Variants in RPS23 observed in about 807,000 individuals in gnomAD.
RPS23 encodes the protein ribosomal protein S23.
For synonymous variants in RPS23, 66 were observed against 60.4 expected, an observed-to-expected ratio of 1.09 and a Z score of -0.43; for missense variants, 73 against 174.5, an observed-to-expected ratio of 0.42 and a Z score of 3.28.
chr5:82,278,352 G>C lies in RPS23; in HGVS notation c.-29C>G, dbSNP rs766487481. The C allele has an allele frequency of 5.6e-6, 9 of 1,606,552 alleles. No homozygotes were observed. The highest frequency in any genetic ancestry group is 1.3e-5 in the African/African-American group (1 of 74,608). On this transcript the variant is annotated 5_prime_UTR_variant, in exon 1 of 4. Transcript: ENST00000296674. ...GTCGGCGCCACGGGCCTGAGCGAAA[G>C]AGAGAAGCACCGCAGGAAGGAGCCA...
chr5:82,277,983 G>T, intron 1 of RPS23, 131 bp from the exon 2 acceptor site: 1 of 860,862 alleles, frequency 1.2e-6, no homozygotes, highest in Non-Finnish European at 1.8e-6. Context: ...TGGCCTGTGG[G>T]CCAAACATTT....
At chr5:82,276,769 A>G in intron 2 of RPS23, 1 of 495,638 alleles carries the variant, frequency 2.0e-6, no homozygotes, top group Non-Finnish European at 3.6e-6. Context: ...AGTCCCAACT[A>G]CTTGCGAGGC....
chr5:82,276,324 C>T, intron 3 of RPS23, 69 bp from the exon 4 acceptor site: 1 of 1,612,428 alleles, frequency 6.2e-7, no homozygotes, highest in Non-Finnish European at 8.5e-7. Context: ...TGTGAGGAAA[C>T]TCCCTTGCAT....
In RPS23 at chr5:82,274,871, C is replaced by T. The variant is rs1002425970; in HGVS notation, c.*1238G>A. On this transcript the variant is annotated 3_prime_UTR_variant, in exon 4 of 4. Coordinates refer to ENST00000296674, the MANE Select transcript of RPS23 (RefSeq NM_001025.5). ...CTAGCATCATCATCAAGAGATAAACCGAAGTGTGCTGGAAAACACACGAGC... is the reference window on the plus strand; with the variant it reads ...CTAGCATCATCATCAAGAGATAAACTGAAGTGTGCTGGAAAACACACGAGC... 9 of 246,452 alleles carry T rather than the reference C, an allele frequency of 3.7e-5. No individual in the cohort carries two copies. In the South Asian group the frequency reaches 5.1e-4, roughly 14 times the overall value. 15.3% of individuals were successfully genotyped at this position (246,452 alleles called of 1,614,324 possible). A position where few individuals can be genotyped will look rare whatever the true frequency, so the allele number is the denominator to read the frequency against.
At position 82,273,540 on chromosome 5, in the gene RPS23, A is replaced by G. The variant is rs1171009445; in HGVS notation, c.*2569T>C. 1 of 148,984 alleles carries G rather than the reference A, an allele frequency of 6.7e-6. No homozygotes were observed. The highest frequency in any genetic ancestry group is 2.6e-5 in the African/African-American group (1 of 38,512). 9.2% of individuals were successfully genotyped at this position (148,984 alleles called of 1,614,324 possible). On this transcript the variant is annotated 3_prime_UTR_variant, in exon 4 of 4. Coordinates refer to ENST00000296674, the MANE Select transcript of RPS23 (RefSeq NM_001025.5). ...GGGAGTTTCACAATTTTTTTATACAATGCTTGGAATCTACGGATAACATCA... is the reference window on the plus strand; with the variant it reads ...GGGAGTTTCACAATTTTTTTATACAGTGCTTGGAATCTACGGATAACATCA...
rs1581863765 is a variant in RPS23 at position 82,275,458 on chromosome 5, C to T, written c.*651G>A. 6.3e-6 allele frequency: 4 copies of T among 633,566 alleles called. No individual in the cohort carries two copies. In the South Asian group the frequency reaches 7.4e-5, roughly 12 times the overall value. 39.2% of individuals were successfully genotyped at this position (633,566 alleles called of 1,614,324 possible). ...CAACCTCATGAGAAGATACTGAAAA[C>T]ATCAGTCTTGTCGTATACCTTATCT... On this transcript the variant is annotated 3_prime_UTR_variant, in exon 4 of 4. Coordinates refer to ENST00000296674, the MANE Select transcript of RPS23 (RefSeq NM_001025.5).
Position 82,277,766 on chromosome 5 carries a change from G to A in RPS23, c.91C>T (p.His31Tyr), listed in dbSNP as rs762342945. ...TTGGCCTTTAGGGCTGTGCCCAAATGAGCTTTCTTATACTGTTTATCATGC... is the reference window on the plus strand; with the variant it reads ...TTGGCCTTTAGGGCTGTGCCCAAATAAGCTTTCTTATACTGTTTATCATGC... ...KWHDKQYKKA[H>Y]LGTALKANPF... Residue 31 changes from histidine (H) to tyrosine (Y), a missense_variant, in exon 2 of 4, where the codon CAT (histidine) becomes TAT (tyrosine). His to Tyr is a moderately conservative substitution (Grantham distance 83, BLOSUM62 2). Transcript: ENST00000296674. 3 of 1,613,998 alleles carry A rather than the reference G, an allele frequency of 1.9e-6. No homozygotes were observed. The highest frequency in any genetic ancestry group is 2.2e-5 in the South Asian group (2 of 91,084).
At chr5:82,277,088 G>A (rs748162752) in intron 2 of RPS23, among the ~76,000 whole-genome samples, 4 of 150,320 alleles carry the variant, frequency 2.7e-5, no homozygotes, top group Admixed American at 6.7e-5. Flanking sequence ...GGGAGGCTGA[G>A]GCAGGAGAAA....
At chr5:82,278,238 C>G in intron 1 of RPS23, 82 bp downstream of exon 1, 1 of 1,445,936 alleles carries the variant, frequency 6.9e-7, no homozygotes, top group Non-Finnish European at 9.5e-7. Flanking sequence ...ATCCCCCGCC[C>G]TACTCTATTC....
Position 82,275,274 on chromosome 5 carries a change from T to C in RPS23, c.*835A>G. 1 of 702,634 alleles carries C rather than the reference T, an allele frequency of 1.4e-6. No individual in the cohort carries two copies. Among genetic ancestry groups the C allele is most frequent in the Non-Finnish European group, 2.6e-6 (1 of 385,006 alleles). 43.5% of individuals were successfully genotyped at this position (702,634 alleles called of 1,614,324 possible). A position where few individuals can be genotyped will look rare whatever the true frequency, so the allele number is the denominator to read the frequency against. ...AAGGCTCACAGCTTCATTTCAACCA[T>C]GCCACTGTATCCATGAAAACTCTGA... On this transcript the variant is annotated 3_prime_UTR_variant, in exon 4 of 4. Coordinates refer to ENST00000296674, the MANE Select transcript of RPS23 (RefSeq NM_001025.5).
At position 82,277,689 on chromosome 5, in the gene RPS23, T is replaced by C; in HGVS notation, c.164+4A>G. On this transcript the variant is annotated splice_donor_region_variant and intron_variant, in intron 2 of 3. Transcript: ENST00000296674. The stretch of plus-strand genomic sequence containing the variant: ...CTAAAACTTGACGGGAGCAATGGAC[T>C]TACACTTTTTCCAGCACGATTCCTT... The C allele has an allele frequency of 6.2e-7, 1 of 1,613,718 alleles. No individual in the cohort carries two copies.
At chr5:82,277,163 A>T (rs1358626971) in intron 2 of RPS23, among the ~76,000 whole-genome samples, 1 of 132,260 alleles carries the variant, frequency 7.6e-6, no homozygotes, top group African/African-American at 3.0e-5. Flanking sequence ...CCTGGGTGAC[A>T]GAGCTAGACT....
At position 82,274,117 on chromosome 5, in the gene RPS23, C is replaced by T. The variant is rs549431836; in HGVS notation, c.*1992G>A. On this transcript the variant is annotated 3_prime_UTR_variant, in exon 4 of 4. Coordinates refer to ENST00000296674, the MANE Select transcript of RPS23 (RefSeq NM_001025.5). ...TTGGTCTTTGACAAATGGAAGTCCACAACATTTATTGAAACTCTTCTTCCT... is the reference window on the plus strand; with the variant it reads ...TTGGTCTTTGACAAATGGAAGTCCATAACATTTATTGAAACTCTTCTTCCT... 1 of 152,300 alleles carries T rather than the reference C, an allele frequency of 6.6e-6. No homozygotes were observed. Among genetic ancestry groups the T allele is most frequent in the South Asian group, 2.1e-4 (1 of 4,824 alleles). 9.4% of individuals were successfully genotyped at this position (152,300 alleles called of 1,614,324 possible). A position where few individuals can be genotyped will look rare whatever the true frequency, so the allele number is the denominator to read the frequency against.
In RPS23 at chr5:82,276,058, C is replaced by T; in HGVS notation, c.*51G>A. 6.5e-7 allele frequency: 1 copy of T among 1,544,398 alleles called. No homozygotes were observed. Among genetic ancestry groups the T allele is most frequent in the African/African-American group, 1.4e-5 (1 of 72,640 alleles). ...AGAACAGGGGACAGTAAGATACAAA[C>T]ATTTTTTGGCATATGAAAATTTATT... is the stretch of plus-strand genomic sequence containing the variant. On this transcript the variant is annotated 3_prime_UTR_variant, in exon 4 of 4. Transcript: ENST00000296674.
At chr5:82,278,216 C>T in intron 1 of RPS23, 104 bp downstream of exon 1, 1 of 1,062,364 alleles carries the variant, frequency 9.4e-7, no homozygotes, top group Non-Finnish European at 1.4e-6. Flanking sequence ...CCCCATGGAG[C>T]CTCTCCATGG....
chr5:82,277,009 AC>A (rs1381296457), intron 2 of RPS23, among the ~76,000 whole-genome samples: 2 of 151,874 alleles, frequency 1.3e-5, no homozygotes, highest in African/African-American at 4.8e-5. Context: ...ACATGGTGAA[AC>A]CCCATCACTA....
rs1411392181 is a variant in RPS23 at position 82,275,444 on chromosome 5, G to C, written c.*665C>G. 3 of 576,986 alleles carry C rather than the reference G, an allele frequency of 5.2e-6. No individual in the cohort carries two copies. The highest frequency in any genetic ancestry group is 2.6e-5 in the African/African-American group (1 of 37,966). The allele number at this position is 576,986 out of a possible 1,614,324, so 35.7% of individuals were successfully genotyped here. Reference sequence around the variant, plus strand: ...ATGAAGGTCTCTGACAACCTCATGAGAAGATACTGAAAACATCAGTCTTGT... The same window carrying C: ...ATGAAGGTCTCTGACAACCTCATGACAAGATACTGAAAACATCAGTCTTGT... On this transcript the variant is annotated 3_prime_UTR_variant, in exon 4 of 4. Transcript: ENST00000296674.
chr5:82,275,380 A>G lies in RPS23; in HGVS notation c.*729T>C. 1.4e-6 allele frequency: 1 copy of G among 696,946 alleles called. No individual in the cohort carries two copies. The allele number at this position is 696,946 out of a possible 1,614,324, so 43.2% of individuals were successfully genotyped here. A position where few individuals can be genotyped will look rare whatever the true frequency, so the allele number is the denominator to read the frequency against. ...TCAAAACACAACCAATCTTGTCTCT[A>G]CACTAAACCACTTCATTTGCTGACT... On this transcript the variant is annotated 3_prime_UTR_variant, in exon 4 of 4. Transcript: ENST00000296674.
intron 2 of RPS23, 83 bp downstream of exon 2, chr5:82,277,610 A>G: frequency 7.3e-7 from 1 of 1,370,512 alleles, no homozygotes; most frequent in African/African-American, 1.4e-5. Context: ...AAAAACCTGC[A>G]ATTACTTTCA....
Sources: allele counts gnomAD v4.1 joint callset (sites outside exome capture counted in the v4.1 genomes callset), GRCh38; gene constraint gnomAD v4.1.1; transcripts MANE v1.5; gene names NCBI Gene and HGNC (gene_info 2026-07-23, HGNC 2026-07-21).